The following CTNNA3 variants were observed in gnomAD, a reference collection of about 807,000 sequenced individuals.
The protein encoded by CTNNA3 is catenin alpha-3.
Under a neutral mutation model 95.7 loss-of-function variants are expected in CTNNA3, and 76 were observed. The observed-to-expected ratio is 0.79, with a 90% CI of 0.66 to 0.96. CTNNA3 has a LOEUF of 0.96. CTNNA3 is among the 40% of genes least tolerant of loss of function. The pLI, the probability that CTNNA3 is intolerant of heterozygous loss-of-function variation, is 0.00. For synonymous variants in CTNNA3, 431 were observed against 374.4 expected, an observed-to-expected ratio of 1.15 and a Z score of -1.74; for missense variants, 1,191 against 1,089.8, an observed-to-expected ratio of 1.09 and a Z score of -1.31.
chr10:67,459,925 C>G (rs903054369), intron 5 of CTNNA3, among the ~76,000 whole-genome samples: 1 of 152,168 alleles, frequency 6.6e-6, no homozygotes, highest in African/African-American at 2.4e-5. Context: ...CCTTTTCTCT[C>G]TTGAAACATT....
At chr10:66,092,611 CAAGT>C (rs1387248466) in intron 14 of CTNNA3, among the ~76,000 whole-genome samples, 1 of 151,914 alleles carries the variant, frequency 6.6e-6, no homozygotes, top group Non-Finnish European at 1.5e-5. Flanking sequence ...CACTAAGTAG[CAAGT>C]AAGTCACATA....
intron 9 of CTNNA3, among the ~76,000 whole-genome samples, chr10:66,674,071 T>C (rs1023033458): frequency 1.6e-4 from 25 of 151,958 alleles, no homozygotes; most frequent in Non-Finnish European, 1.6e-4. Flanking sequence ...GAGTATCTTC[T>C]CCTGTGACTA....
intron 5 of CTNNA3, among the ~76,000 whole-genome samples, chr10:67,459,744 A>T (rs1160363775): frequency 6.6e-6 from 1 of 152,144 alleles, no homozygotes; most frequent in Non-Finnish European, 1.5e-5. Context: ...TATGCCTTAA[A>T]ATTATCTTTT....
intron 13 of CTNNA3, among the ~76,000 whole-genome samples, chr10:66,158,287 T>A (rs999367884): frequency 6.6e-6 from 1 of 152,124 alleles, no homozygotes; most frequent in Non-Finnish European, 1.5e-5. Context: ...ATAATTTTTA[T>A]AGTTTCAGGT....
rs1191804978 is a variant in CTNNA3 at position 66,688,799 on chromosome 10, T to TAAAAAATACAAAAAA, written c.1282-67016_1282-67015insTTTTTTGTATTTTTT. Among the ~76,000 whole-genome samples the TAAAAAATACAAAAAA allele has an allele frequency of 2.6e-3, 392 of 149,482 alleles. 5 individuals carry two copies. The highest frequency in any genetic ancestry group is 9.0e-3 in the African/African-American group (360 of 40,088). ...ATCCTGGCTAACGTGGTGAAACCCG[T>TAAAAAATACAAAAAA]CTCTACTAAAAAATACAAAAAAAAA... On this transcript the variant is annotated intron_variant, in intron 9 of 17. Transcript: ENST00000433211.
chr10:65,973,831 T>C (rs2078158204), intron 16 of CTNNA3, among the ~76,000 whole-genome samples: 1 of 152,106 alleles, frequency 6.6e-6, no homozygotes, highest in Non-Finnish European at 1.5e-5. Flanking sequence ...ATGAGGAATC[T>C]GCCCCTATTA....
rs577521328 is a variant in CTNNA3 at position 66,513,778 on chromosome 10, C to G, written c.1531+6839G>C. 5.9e-5 allele frequency among the ~76,000 whole-genome samples: 9 copies of G among 152,274 alleles called. 1 individual carries two copies. Among genetic ancestry groups the G allele is most frequent in the Admixed American group, 5.9e-4 (9 of 15,300 alleles). ...GTCACTGTCATCAGGGAAGGTGGCT[C>G]TCAGGCTCTTGGAAGCATGTGCTTT... On this transcript the variant is annotated intron_variant, in intron 11 of 17. Transcript: ENST00000433211.
intron 11 of CTNNA3, among the ~76,000 whole-genome samples, chr10:66,412,262 G>C (rs921493927): frequency 3.3e-5 from 5 of 151,970 alleles, no homozygotes; most frequent in African/African-American, 1.2e-4. Context: ...AGAGATTCTG[G>C]AAAAGAAAAA....
intron 13 of CTNNA3, among the ~76,000 whole-genome samples, chr10:66,109,443 C>T (rs2082035380): frequency 6.6e-6 from 1 of 152,158 alleles, no homozygotes; most frequent in South Asian, 2.1e-4. Flanking sequence ...CATTTGGACC[C>T]TCTCAAGTCA....
At chr10:67,628,089 A>T (rs1839017862) in intron 2 of CTNNA3, among the ~76,000 whole-genome samples, 1 of 151,494 alleles carries the variant, frequency 6.6e-6, no homozygotes, top group Non-Finnish European at 1.5e-5. Context: ...TTTAATATTT[A>T]ATATTAAATT....
At chr10:66,341,072 C>T (rs1183945882) in intron 12 of CTNNA3, among the ~76,000 whole-genome samples, 2 of 151,896 alleles carry the variant, frequency 1.3e-5, no homozygotes, top group Non-Finnish European at 2.9e-5. Flanking sequence ...GAACTATCAT[C>T]ATCCTAAGAG....
intron 12 of CTNNA3, among the ~76,000 whole-genome samples, chr10:66,301,066 G>A (rs1589052668): frequency 6.6e-6 from 1 of 152,142 alleles, no homozygotes; most frequent in East Asian, 1.9e-4. Flanking sequence ...TCACAAATAT[G>A]ATAGCCTAAG....
chr10:67,739,436 G>C (rs1176538027), intron 1 of CTNNA3, among the ~76,000 whole-genome samples: 1 of 152,154 alleles, frequency 6.6e-6, no homozygotes, highest in East Asian at 1.9e-4. Context: ...ATCTCCTTAA[G>C]CTGATAAGCA....
In CTNNA3 at chr10:65,913,305, C is replaced by T. The variant is rs2076968382; in HGVS notation, c.*7025G>A. ...AAATCTTTCTCTAGAAGTTTTAATTCATATTTAATCACCCAACTTGCCCAA... is the reference window on the plus strand; with the variant it reads ...AAATCTTTCTCTAGAAGTTTTAATTTATATTTAATCACCCAACTTGCCCAA... On this transcript the variant is annotated 3_prime_UTR_variant, in exon 18 of 18. Transcript: ENST00000433211. 1 of 152,058 alleles carries T rather than the reference C, an allele frequency of 6.6e-6. No homozygotes were observed. The highest frequency in any genetic ancestry group is 2.1e-4 in the South Asian group (1 of 4,828). The allele number at this position is 152,058 out of a possible 1,614,324, so 9.4% of individuals were successfully genotyped here.
At chr10:67,075,469 T>C (rs988867916) in intron 7 of CTNNA3, among the ~76,000 whole-genome samples, 2 of 152,142 alleles carry the variant, frequency 1.3e-5, no homozygotes, top group Non-Finnish European at 2.9e-5. Context: ...CCTGCCACTA[T>C]TAAGATGGAA....
At chr10:67,039,213 G>A (rs1051327671) in intron 7 of CTNNA3, among the ~76,000 whole-genome samples, 4 of 152,026 alleles carry the variant, frequency 2.6e-5, no homozygotes, top group Non-Finnish European at 4.4e-5. Context: ...ACTGTAACTC[G>A]AGGAAAATTA....
chr10:66,626,208 G>A (rs764306042), intron 9 of CTNNA3, among the ~76,000 whole-genome samples: 7 of 152,102 alleles, frequency 4.6e-5, no homozygotes, highest in Non-Finnish European at 1.0e-4. Context: ...TGTTAGGAAT[G>A]AGTACACTAT....
intron 7 of CTNNA3, among the ~76,000 whole-genome samples, chr10:66,885,283 C>A (rs987786210): frequency 2.6e-5 from 4 of 152,108 alleles, no homozygotes; most frequent in Non-Finnish European, 4.4e-5. Context: ...TGCTATTTTA[C>A]ATAGTTCAAT....
At chr10:66,570,971 T>G (rs1232761342) in intron 10 of CTNNA3, among the ~76,000 whole-genome samples, 4 of 152,158 alleles carry the variant, frequency 2.6e-5, no homozygotes, top group Non-Finnish European at 5.9e-5. Context: ...AAATAAAATC[T>G]GTCAAAGTGC....
Sources: allele counts gnomAD v4.1 joint callset (sites outside exome capture counted in the v4.1 genomes callset), GRCh38; gene constraint gnomAD v4.1.1; transcripts MANE v1.5; gene names NCBI Gene and HGNC (gene_info 2026-07-23, HGNC 2026-07-21).